The following ITIH1 variants were observed in gnomAD, a reference collection of about 807,000 sequenced individuals.
ITIH1 encodes inter-alpha-trypsin inhibitor heavy chain 1.
Under a neutral mutation model 104.6 loss-of-function variants are expected in ITIH1, and 94 were observed. The observed-to-expected ratio is 0.90, with a 90% CI of 0.76 to 1.07. The LOEUF is 1.07. Among genes scored for constraint, ITIH1 ranks in the 50% least tolerant of loss-of-function variants. The pLI, the probability that ITIH1 is intolerant of heterozygous loss-of-function variation, is 0.00. For missense variants in ITIH1, 1,193 were observed against 1,181.4 expected, an observed-to-expected ratio of 1.01 and a Z score of -0.14; for synonymous variants, 455 against 464.4, an observed-to-expected ratio of 0.98 and a Z score of 0.26.
intron 7 of ITIH1, 27 bp downstream of exon 7, chr3:52,782,092 C>T: frequency 1.2e-6 from 2 of 1,614,142 alleles, no homozygotes; most frequent in Non-Finnish European, 8.5e-7. Flanking sequence ...TGGCTCAGCA[C>T]CCAGAGGATG....
rs372130226 is a variant in ITIH1, at chr3:52,777,638, G to C, written c.23G>C (p.Arg8Pro). The change falls in exon 1 of 22, where the codon CGG (arginine) becomes CCG (proline). Residue 8 changes from arginine to proline, a missense_variant. Coordinates refer to ENST00000273283, the MANE Select transcript of ITIH1 (RefSeq NM_002215.4). Reference protein sequence around the residue: MDGAMGPRGLLLCMYLVS... With the variant: MDGAMGPPGLLLCMYLVS... ...AGCATGGACGGTGCCATGGGGCCTC[G>C]GGGGCTGCTGTTGTGCATGTACCTG... 2 of 1,593,006 alleles carry C rather than the reference G, an allele frequency of 1.3e-6. No individual in the cohort carries two copies. The highest frequency in any genetic ancestry group is 2.7e-5 in the African/African-American group (2 of 74,214).
At position 52,779,637 on chromosome 3, in the gene ITIH1, G is replaced by A. The variant is rs181078347; in HGVS notation, c.573+43G>A. The A allele has an allele frequency of 9.8e-5, 158 of 1,607,030 alleles. No homozygotes were observed. Among genetic ancestry groups the A allele is most frequent in the East Asian group, 9.8e-4 (44 of 44,820 alleles). On this transcript the variant is annotated intron_variant, in intron 5 of 21. Transcript: ENST00000273283. The surrounding 1 kb of genome is among the most constrained non-coding windows in gnomAD (Gnocchi z 4.4). ...GGGCAGGGGTCCTGCCCCTCTCTCC[G>A]TCACCATGGCTCCCAACACTGGTTG...
intron 3 of ITIH1, 165 bp downstream of exon 3, chr3:52,778,671 G>A: frequency 6.9e-7 from 1 of 1,448,916 alleles, no homozygotes; most frequent in Non-Finnish European, 9.0e-7. Context: ...CTTTAGGTCT[G>A]TGCTTGGCTC....
At chr3:52,788,772 G>C (rs1220376830) in intron 18 of ITIH1, among the ~76,000 whole-genome samples, 1 of 152,098 alleles carries the variant, frequency 6.6e-6, no homozygotes, top group Non-Finnish European at 1.5e-5. Flanking sequence ...TGTTGGCCTG[G>C]TTGGTCTCAA....
At chr3:52,778,529 T>A (rs1292423948) in intron 3 of ITIH1, 23 bp downstream of exon 3, 1 of 1,613,140 alleles carries the variant, frequency 6.2e-7, no homozygotes, top group Non-Finnish European at 8.5e-7. Flanking sequence ...CCAACTCCCA[T>A]GCCTTCTCCC....
chr3:52,783,015 T>A lies in ITIH1; in HGVS notation c.989T>A (p.Leu330Gln). 1 of 1,614,092 alleles carries A rather than the reference T, an allele frequency of 6.2e-7. No homozygotes were observed. The highest frequency in any genetic ancestry group is 8.5e-7 in the Non-Finnish European group (1 of 1,180,006). ...GDMQPGDYFD[L>Q]VLFGTRVQSW... is the part of the protein sequence containing the mutation. The stretch of plus-strand genomic sequence containing the variant: ...ATGCAGCCAGGGGACTACTTTGACC[T>A]GGTTCTTTTTGGGACTCGAGTACAA... The change falls in exon 9 of 22, where the codon CTG becomes CAG. Residue 330 changes from leucine (L) to glutamine (Q), a missense_variant. Transcript: ENST00000273283.
Position 52,790,899 on chromosome 3 carries a change from A to C in ITIH1, c.2472A>C (p.Ser824=), listed in dbSNP as rs1578744558. The C allele has an allele frequency of 6.2e-7, 1 of 1,605,226 alleles. No individual in the cohort carries two copies. The highest frequency in any genetic ancestry group is 8.5e-7 in the Non-Finnish European group (1 of 1,176,838). ...GFYVLDSHRM[S]ARTHGLLGQF... is the part of the protein sequence containing the mutation. ...ATGTGCTGGACAGTCATCGGATGTC[A>C]GCCCGGACGCACGGGCTGCTGGGTA... Residue 824 remains serine, a synonymous_variant, in exon 20 of 22, where the codon TCA becomes TCC. Transcript: ENST00000273283.
intron 16 of ITIH1, 161 bp from the exon 17 acceptor site, chr3:52,787,825 G>T: frequency 1.1e-6 from 1 of 915,838 alleles, no homozygotes. Flanking sequence ...TTCTGTCCCC[G>T]TGTCCCGGGA....
At chr3:52,791,007 T>G in intron 20 of ITIH1, 86 bp downstream of exon 20, 1 of 1,399,366 alleles carries the variant, frequency 7.1e-7, no homozygotes, top group Non-Finnish European at 9.6e-7. Context: ...GTCAGTTCTA[T>G]AGCTGGGCAC....
chr3:52,786,631 A>G (rs117842282), intron 13 of ITIH1, among the ~76,000 whole-genome samples, 197 bp downstream of exon 13: 2 of 152,296 alleles, frequency 1.3e-5, no homozygotes, highest in East Asian at 3.9e-4. Flanking sequence ...GCAGCCTGCT[A>G]TTTACCCACA....
chr3:52,782,033 G>T lies in ITIH1; in HGVS notation c.781G>T (p.Asp261Tyr). ...GAACGGGCACTTCAAGGTGACCTAC[G>T]ATGTCAGTCGAGACAAGATCTGCGA... ...LLNGHFKVTY[D>Y]VSRDKICDLL... The change falls in exon 7 of 22, where the codon GAT (aspartate) becomes TAT (tyrosine). Residue 261 changes from aspartate to tyrosine, a missense_variant. Transcript: ENST00000273283. 5.6e-6 allele frequency: 9 copies of T among 1,614,094 alleles called. No homozygotes were observed. The highest frequency in any genetic ancestry group is 7.6e-6 in the Non-Finnish European group (9 of 1,180,028).
chr3:52,784,474 G>A lies in ITIH1; in HGVS notation c.1404G>A (p.Leu468=). 2.5e-6 allele frequency: 4 copies of A among 1,613,686 alleles called. No homozygotes were observed. The highest frequency in any genetic ancestry group is 3.4e-6 in the Non-Finnish European group (4 of 1,179,732). The change falls in exon 11 of 22, where the codon CTG becomes CTA. Residue 468 remains leucine, a synonymous_variant. Transcript: ENST00000273283. ...AGGACCATGATGCCACCCAGCAGCT[G>A]CAGGTCTCCCCTCACAACCCCCTGT... is the stretch of plus-strand genomic sequence containing the variant. The part of the protein sequence containing the change: ...IYEDHDATQQ[L]QGFYSQVAKP...
rs749295025 is a variant in ITIH1 at position 52,791,748 on chromosome 3, G to A, written c.2607-34G>A. 18 of 1,607,208 alleles carry A rather than the reference G, an allele frequency of 1.1e-5. No individual in the cohort carries two copies. The East Asian group carries it at 2.5e-4, about 22-fold the overall frequency. On this transcript the variant is annotated intron_variant, in intron 21 of 21. Transcript: ENST00000273283. ...TGGGGAGGTGCTGCCCTACTGGTCC[G>A]AAGGGTGACCCCAGCTGACTTGTCT...
In ITIH1 at chr3:52,782,222, T is replaced by C; in HGVS notation, c.885T>C (p.Phe295=). The C allele has an allele frequency of 6.2e-7, 1 of 1,614,162 alleles. No homozygotes were observed. Among genetic ancestry groups the C allele is most frequent in the Non-Finnish European group, 8.5e-7 (1 of 1,180,028 alleles). Residue 295 remains phenylalanine, a synonymous_variant, in exon 8 of 22, where the codon TTT becomes TTC. Coordinates refer to ENST00000273283, the MANE Select transcript of ITIH1 (RefSeq NM_002215.4). ...CAAACATGAACAAGAACGTGGTTTT[T>C]GTGATTGACATCAGTGGCTCCATGA... is the stretch of plus-strand genomic sequence containing the variant. ...NLTNMNKNVV[F]VIDISGSMRG... is the part of the protein sequence containing the mutation.
intron 6 of ITIH1, among the ~76,000 whole-genome samples, chr3:52,781,198 TTTTTTTTTTTTTCTTCTTCTTCTTC>T (rs1699025340): frequency 4.6e-5 from 2 of 43,854 alleles, no homozygotes; most frequent in African/African-American, 2.6e-4. Flanking sequence ...CCTCCTCTTC[TTTTTTTTTTTTTCTTCTTCTTCTTC>T]TTCTTCTTCT....
At chr3:52,787,336 T>G in intron 15 of ITIH1, 134 bp downstream of exon 15, 1 of 1,308,086 alleles carries the variant, frequency 7.6e-7, no homozygotes. Flanking sequence ...TTCCGTCCCC[T>G]GAGCCGCCCT....
chr3:52,791,967 A>G lies in ITIH1; in HGVS notation c.*56A>G. On this transcript the variant is annotated 3_prime_UTR_variant, in exon 22 of 22. Transcript: ENST00000273283. The stretch of plus-strand genomic sequence containing the variant: ...GGGGCCAAGGCAGAGGAGGAGGACG[A>G]CATCCTGACCTGCTGCTGAGGCTGT... 6.4e-7 allele frequency: 1 copy of G among 1,560,094 alleles called. No individual in the cohort carries two copies. Among genetic ancestry groups the G allele is most frequent in the Non-Finnish European group, 8.7e-7 (1 of 1,147,552 alleles).
In ITIH1 at chr3:52,783,330, C is replaced by T. The variant is rs1376156577; in HGVS notation, c.1216C>T (p.Pro406Ser). The change falls in exon 10 of 22, where the codon CCC becomes TCC. Residue 406 changes from proline (P) to serine (S), a missense_variant. Pro to Ser is a moderately conservative substitution (Grantham distance 74). Transcript: ENST00000273283. ...ACTCATCATGTTGACAGATGGCGAT[C>T]CCACAGAGGGTAAGCACCTTGGGGG... ...SILIMLTDGD[P>S]TEGVTDRSQI... 3 of 1,613,818 alleles carry T rather than the reference C, an allele frequency of 1.9e-6. No homozygotes were observed. In the African/African-American group the frequency reaches 4.0e-5, roughly 22 times the overall value.
intron 10 of ITIH1, among the ~76,000 whole-genome samples, chr3:52,784,083 C>T (rs1259881279): frequency 6.6e-6 from 1 of 152,112 alleles, no homozygotes; most frequent in Non-Finnish European, 1.5e-5. Context: ...TGGTGATGGA[C>T]CCACCTAGAT....
Sources: gnomAD v4.1 joint callset for allele counts (sites outside exome capture counted in the v4.1 genomes callset) on GRCh38, gnomAD v4.1.1 for gene constraint, Gnocchi (gnomAD v3.1) non-coding constraint, MANE v1.5 for transcripts, NCBI Gene and HGNC (gene_info 2026-07-23, HGNC 2026-07-21) for gene names.